The following ANKRD13C variants were observed in gnomAD, a reference collection of about 807,000 sequenced individuals.
ANKRD13C encodes the protein ankyrin repeat domain 13C, also known as ankyrin repeat domain-containing protein 13C.
Under a neutral mutation model 65.5 loss-of-function variants are expected in ANKRD13C, and 16 were observed. That is an observed-to-expected ratio of 0.24 (90% confidence interval 0.17 to 0.37). ANKRD13C has a LOEUF of 0.37. Ranked by LOEUF, ANKRD13C falls within the 10% of genes least tolerant of loss-of-function variation. The pLI is 1.00. For missense variants in ANKRD13C, 503 were observed against 655.9 expected, an observed-to-expected ratio of 0.77 and a Z score of 2.55; for synonymous variants, 235 against 238.7, an observed-to-expected ratio of 0.98 and a Z score of 0.14.
At chr1:70,318,570 TTAAG>T (rs1389247761) in intron 3 of ANKRD13C, among the ~76,000 whole-genome samples, 6 of 152,110 alleles carry the variant, frequency 3.9e-5, no homozygotes, top group Non-Finnish European at 7.4e-5. Flanking sequence ...TATATATCAA[TTAAG>T]TAATGAAATC....
intron 1 of ANKRD13C, among the ~76,000 whole-genome samples, chr1:70,353,490 C>T (rs764336077): frequency 4.6e-5 from 7 of 152,044 alleles, no homozygotes; most frequent in Non-Finnish European, 1.0e-4. Flanking sequence ...TTACTGAAAG[C>T]AGACAAAAAA....
chr1:70,286,678 A>C (rs1679635344), intron 9 of ANKRD13C, among the ~76,000 whole-genome samples: 2 of 152,194 alleles, frequency 1.3e-5, no homozygotes, highest in Admixed American at 6.5e-5. Flanking sequence ...GAAAATCCTA[A>C]GTAATATACA....
At chr1:70,314,686 T>A (rs1209015663) in intron 4 of ANKRD13C, among the ~76,000 whole-genome samples, 1 of 151,706 alleles carries the variant, frequency 6.6e-6, no homozygotes, top group Non-Finnish European at 1.5e-5. Context: ...ATAGTAGATA[T>A]CATTGCAATA....
rs199534409 is a variant in ANKRD13C at position 70,296,299 on chromosome 1, T to C, written c.922-38A>G. On this transcript the variant is annotated intron_variant, in intron 7 of 12. Coordinates refer to ENST00000370944, the MANE Select transcript of ANKRD13C (RefSeq NM_030816.5). The stretch of plus-strand genomic sequence containing the variant: ...CAAAAGTTAAATATAAAAATCTAGG[T>C]TTTTCAAAAGTTCTTAGTACTACAT... The C allele has an allele frequency of 4.1e-3, 6,470 of 1,591,550 alleles. 34 individuals carry two copies. The highest frequency in any genetic ancestry group is 4.9e-3 in the Non-Finnish European group (5,721 of 1,172,340).
At chr1:70,323,882 G>A (rs900530751) in intron 3 of ANKRD13C, among the ~76,000 whole-genome samples, 82 of 150,184 alleles carry the variant, frequency 5.5e-4, no homozygotes, top group African/African-American at 1.9e-3. Flanking sequence ...CCACCACCAT[G>A]CCTGGCAATT....
rs1405792175 is a variant in ANKRD13C at position 70,354,083 on chromosome 1, C to A, written c.326G>T (p.Ser109Ile). The change falls in exon 1 of 13, where the codon AGT becomes ATT. Residue 109 changes from serine to isoleucine, a missense_variant. Transcript: ENST00000370944. ...NPVAVVADGGSCPAHYPVHEC... is the reference protein window; with the variant it reads ...NPVAVVADGGICPAHYPVHEC... ...GTGCACCGGGTAGTGTGCGGGGCAACTGCCTCCATCCGCGACGACAGCAAC... is the reference window on the plus strand; with the variant it reads ...GTGCACCGGGTAGTGTGCGGGGCAAATGCCTCCATCCGCGACGACAGCAAC... The A allele has an allele frequency of 2.5e-6, 4 of 1,611,480 alleles. No homozygotes were observed. The highest frequency in any genetic ancestry group is 1.3e-5 in the African/African-American group (1 of 74,906).
rs1009167282 is a variant in ANKRD13C, at chr1:70,315,666, T to C, written c.578-100A>G. ...TATAGATAGATAATACATGTACACA[T>C]ATATGCACGTGCATGTATGTGTGTA... On this transcript the variant is annotated intron_variant, in intron 3 of 12. Coordinates refer to ENST00000370944, the MANE Select transcript of ANKRD13C (RefSeq NM_030816.5). The C allele has an allele frequency of 2.9e-5, 25 of 849,100 alleles. No homozygotes were observed. In the Admixed American group the frequency reaches 6.2e-4, roughly 21 times the overall value. 52.6% of individuals were successfully genotyped at this position (849,100 alleles called of 1,614,324 possible).
At chr1:70,316,373 T>C (rs973631565) in intron 3 of ANKRD13C, among the ~76,000 whole-genome samples, 37 of 152,122 alleles carry the variant, frequency 2.4e-4, no homozygotes, top group African/African-American at 7.7e-4. Context: ...CCTTTTTTTT[T>C]CCTCTCCTTT....
At chr1:70,323,410 C>A (rs534120636) in intron 3 of ANKRD13C, among the ~76,000 whole-genome samples, 1 of 151,980 alleles carries the variant, frequency 6.6e-6, no homozygotes, top group Non-Finnish European at 1.5e-5. Flanking sequence ...TTTGGGAGGC[C>A]AAGGTGGGCG....
chr1:70,328,014 G>A (rs751944185), intron 2 of ANKRD13C, among the ~76,000 whole-genome samples: 4 of 152,032 alleles, frequency 2.6e-5, no homozygotes, highest in Non-Finnish European at 2.9e-5. Context: ...GCAGTGAGCC[G>A]AGACTGTACC....
chr1:70,314,525 GA>G (rs1558294356), intron 4 of ANKRD13C, among the ~76,000 whole-genome samples: 1 of 151,104 alleles, frequency 6.6e-6, no homozygotes, highest in African/African-American at 2.4e-5. Flanking sequence ...ATGCCTGGCC[GA>G]AAAAAAATTT....
At chr1:70,265,928 G>A (rs190411834) in intron 12 of ANKRD13C, among the ~76,000 whole-genome samples, 11,381 of 147,156 alleles carry the variant, frequency 0.077, 642 homozygotes, top group East Asian at 0.29. Flanking sequence ...GAGAGAGGGA[G>A]GAAGGGAGGG....
chr1:70,323,966 T>C (rs1311666757), intron 3 of ANKRD13C, among the ~76,000 whole-genome samples: 1 of 152,006 alleles, frequency 6.6e-6, no homozygotes, highest in Non-Finnish European at 1.5e-5. Flanking sequence ...CCTCAGGTGA[T>C]CCACCCGCCT....
At chr1:70,293,553 G>A (rs1184513985) in intron 8 of ANKRD13C, 22 of 985,118 alleles carry the variant, frequency 2.2e-5, no homozygotes, top group Non-Finnish European at 2.4e-5. Context: ...GCTTTGAGCT[G>A]CTTAGCAGTA....
intron 9 of ANKRD13C, among the ~76,000 whole-genome samples, chr1:70,283,361 T>C (rs1679479490): frequency 6.6e-6 from 1 of 152,184 alleles, no homozygotes; most frequent in Admixed American, 6.5e-5. Flanking sequence ...TCCCTCATAA[T>C]TAAATGTAAA....
At position 70,354,070 on chromosome 1, in the gene ANKRD13C, G is replaced by A; in HGVS notation, c.339C>T (p.His113=). ...VVADGGSCPA[H]YPVHECVFKG... Reference sequence around the variant, plus strand: ...TGAAGACGCACTCGTGCACCGGGTAGTGTGCGGGGCAACTGCCTCCATCCG... The same window carrying A: ...TGAAGACGCACTCGTGCACCGGGTAATGTGCGGGGCAACTGCCTCCATCCG... Residue 113 remains histidine, a synonymous_variant, in exon 1 of 13, where the codon CAC becomes CAT. Transcript: ENST00000370944. 6.2e-7 allele frequency: 1 copy of A among 1,608,746 alleles called. No homozygotes were observed. Among genetic ancestry groups the A allele is most frequent in the Non-Finnish European group, 8.5e-7 (1 of 1,176,684 alleles).
intron 12 of ANKRD13C, among the ~76,000 whole-genome samples, chr1:70,269,013 AT>A (rs1424686087): frequency 4.0e-5 from 6 of 150,160 alleles, no homozygotes; most frequent in African/African-American, 1.2e-4. Context: ...AGCATTAGGT[AT>A]ATCTCCCAAT....
At chr1:70,271,883 AT>A (rs1346337767) in intron 11 of ANKRD13C, among the ~76,000 whole-genome samples, 1 of 152,078 alleles carries the variant, frequency 6.6e-6, no homozygotes, top group Non-Finnish European at 1.5e-5. Context: ...ATATTGAACC[AT>A]TTTTGTCCTC....
chr1:70,319,567 A>G (rs1318809047), intron 3 of ANKRD13C, among the ~76,000 whole-genome samples: 1 of 148,290 alleles, frequency 6.7e-6, no homozygotes, highest in Admixed American at 6.9e-5. Flanking sequence ...AGATCGCGCC[A>G]TTGCATTCCA....
Sources: gnomAD v4.1 joint callset for allele counts (sites outside exome capture counted in the v4.1 genomes callset) on GRCh38, gnomAD v4.1.1 for gene constraint, MANE v1.5 for transcripts, NCBI Gene and HGNC (gene_info 2026-07-23, HGNC 2026-07-21) for gene names.